The following PRKD1 variants were observed in gnomAD, a reference collection of about 807,000 sequenced individuals.
PRKD1 encodes the protein protein kinase D1.
A neutral mutation model predicts 95.9 loss-of-function variants in PRKD1; 63 were observed. The observed-to-expected ratio is 0.66, with a 90% CI of 0.54 to 0.81. The LOEUF is 0.81. Ranked by LOEUF, PRKD1 falls within the 30% of genes least tolerant of loss-of-function variation. The pLI is 0.00. For synonymous variants in PRKD1, 425 were observed against 423.1 expected (o/e 1.00, Z -0.05); for missense variants, 1,048 against 1,165.3 (o/e 0.90, Z 1.47).
chr14:29,813,823 T>C (rs1249269345), intron 1 of PRKD1, among the ~76,000 whole-genome samples: 2 of 152,198 alleles, frequency 1.3e-5, no homozygotes, highest in East Asian at 1.9e-4. Flanking sequence ...ACGATGTTCA[T>C]AGCCAAGATC....
intron 2 of PRKD1, among the ~76,000 whole-genome samples, chr14:29,694,950 G>C (rs931361654): frequency 6.6e-6 from 1 of 151,988 alleles, no homozygotes; most frequent in African/African-American, 2.4e-5. Context: ...AAGGACAGCC[G>C]GGCCAGGCAC....
chr14:29,834,863 C>T (rs1000440582), intron 1 of PRKD1, among the ~76,000 whole-genome samples: 3 of 152,134 alleles, frequency 2.0e-5, no homozygotes, highest in South Asian at 2.1e-4. Flanking sequence ...AAAAGTCATA[C>T]GGATAAAGGT....
intron 1 of PRKD1, among the ~76,000 whole-genome samples, chr14:29,886,065 C>G (rs1484683347): frequency 6.6e-6 from 1 of 152,048 alleles, no homozygotes; most frequent in African/African-American, 2.4e-5. Flanking sequence ...CTCCGGTATC[C>G]ACACAAAGCC....
chr14:29,818,221 C>A (rs1210973038), intron 1 of PRKD1, among the ~76,000 whole-genome samples: 1 of 152,162 alleles, frequency 6.6e-6, no homozygotes, highest in Non-Finnish European at 1.5e-5. Context: ...TAAGCCCAGG[C>A]TGCTTCTCAA....
intron 13 of PRKD1, among the ~76,000 whole-genome samples, chr14:29,604,775 AACAG>A (rs752259798): frequency 9.2e-5 from 14 of 152,200 alleles, no homozygotes; most frequent in Non-Finnish European, 1.9e-4. Context: ...TCTTGCAGAG[AACAG>A]ACAATTATAA....
intron 1 of PRKD1, among the ~76,000 whole-genome samples, chr14:29,846,771 G>C (rs1005306561): frequency 6.6e-6 from 1 of 152,188 alleles, no homozygotes; most frequent in Non-Finnish European, 1.5e-5. Context: ...AGTGACAGTG[G>C]CAAGGACAAG....
chr14:29,898,024 C>A (rs1894192757), intron 1 of PRKD1, among the ~76,000 whole-genome samples: 1 of 151,962 alleles, frequency 6.6e-6, no homozygotes, highest in Non-Finnish European at 1.5e-5. Flanking sequence ...AAAAACAACG[C>A]ATCCTAAAAA....
chr14:29,817,398 C>T (rs571684368), intron 1 of PRKD1, among the ~76,000 whole-genome samples: 18 of 152,196 alleles, frequency 1.2e-4, no homozygotes, highest in Admixed American at 1.0e-3. Flanking sequence ...TCTCTGAAGA[C>T]GACCCTCTGA....
chr14:29,835,970 G>C (rs1271375351), intron 1 of PRKD1, among the ~76,000 whole-genome samples: 1 of 152,110 alleles, frequency 6.6e-6, no homozygotes, highest in Non-Finnish European at 1.5e-5. Context: ...CCAATATAAT[G>C]TATTAAAAGT....
At chr14:29,671,926 G>A (rs1208658572) in intron 2 of PRKD1, among the ~76,000 whole-genome samples, 1 of 152,114 alleles carries the variant, frequency 6.6e-6, no homozygotes, top group African/African-American at 2.4e-5. Flanking sequence ...TTAAAATATG[G>A]GTGGCTGTGA....
At chr14:29,587,089 G>A (rs1202503985) in intron 16 of PRKD1, among the ~76,000 whole-genome samples, 3 of 152,198 alleles carry the variant, frequency 2.0e-5, no homozygotes, top group African/African-American at 7.2e-5. Context: ...GAGACGTGAT[G>A]ATGGCTTTCA....
At chr14:29,663,174 A>G (rs1194848643) in intron 4 of PRKD1, among the ~76,000 whole-genome samples, 1 of 91,262 alleles carries the variant, frequency 1.1e-5, no homozygotes, top group Non-Finnish European at 2.3e-5. Context: ...TATATATTCT[A>G]GAGCTAATGG....
At chr14:29,661,723 T>A (rs1000406712) in intron 4 of PRKD1, among the ~76,000 whole-genome samples, 11 of 152,136 alleles carry the variant, frequency 7.2e-5, no homozygotes, top group African/African-American at 2.7e-4. Context: ...TACTTCCAAA[T>A]GCATTTCTCA....
chr14:29,802,327 C>T (rs897851798), intron 1 of PRKD1, among the ~76,000 whole-genome samples: 1 of 152,182 alleles, frequency 6.6e-6, no homozygotes, highest in African/African-American at 2.4e-5. Context: ...GAAGACAATA[C>T]ATCTAATGCA....
At chr14:29,820,206 T>A (rs371162061) in intron 1 of PRKD1, among the ~76,000 whole-genome samples, 1 of 152,336 alleles carries the variant, frequency 6.6e-6, no homozygotes, top group South Asian at 2.1e-4. Flanking sequence ...TTCTGGCTAC[T>A]ACCCGGGTGG....
intron 1 of PRKD1, among the ~76,000 whole-genome samples, chr14:29,746,400 C>T (rs1887219740): frequency 6.6e-6 from 1 of 152,164 alleles, no homozygotes; most frequent in East Asian, 1.9e-4. Context: ...GGCTTCATGG[C>T]TTTTGTTCTT....
intron 2 of PRKD1, among the ~76,000 whole-genome samples, chr14:29,675,966 TC>T (rs1566531791): frequency 9.2e-6 from 1 of 108,932 alleles, no homozygotes; most frequent in African/African-American, 3.5e-5. Flanking sequence ...ACATCACACA[TC>T]GGGGCCTGTC....
rs559017773 is a variant in PRKD1 at position 29,748,184 on chromosome 14, C to T, written c.265-22510G>A. On this transcript the variant is annotated intron_variant, in intron 1 of 17. Coordinates refer to ENST00000331968, the MANE Select transcript of PRKD1 (RefSeq NM_002742.3). Reference sequence around the variant, plus strand: ...CAATAGAAAATATTCTGATTCGCAGCTATAATTTATTGAATGTATGCAATG... The same window carrying T: ...CAATAGAAAATATTCTGATTCGCAGTTATAATTTATTGAATGTATGCAATG... Among the ~76,000 whole-genome samples, 2 of 152,198 alleles carry T rather than the reference C, an allele frequency of 1.3e-5. 1 individual carries two copies. Among genetic ancestry groups the T allele is most frequent in the African/African-American group, 4.8e-5 (2 of 41,518 alleles).
chr14:29,656,235 A>G (rs1881828577), intron 4 of PRKD1, among the ~76,000 whole-genome samples: 1 of 152,192 alleles, frequency 6.6e-6, no homozygotes, highest in African/African-American at 2.4e-5. Context: ...ACCTAATTCT[A>G]TTACTCTAAT....
Sources: gnomAD v4.1 joint callset for allele counts (sites outside exome capture counted in the v4.1 genomes callset) on GRCh38, gnomAD v4.1.1 for gene constraint, MANE v1.5 for transcripts, NCBI Gene and HGNC (gene_info 2026-07-23, HGNC 2026-07-21) for gene names.